Variants in NPTN observed in about 807,000 individuals in gnomAD.
NPTN encodes the protein neuroplastin, also known as SDR-1.
A neutral mutation model predicts 42.7 loss-of-function variants in NPTN; 5 were observed. That is an observed-to-expected ratio of 0.12 (90% CI 0.06 to 0.25). NPTN has a LOEUF of 0.25. Ranked by LOEUF, NPTN falls within the 10% of genes least tolerant of loss-of-function variation. NPTN has a pLI of 1.00. For synonymous variants in NPTN, 180 were observed against 201.9 expected (o/e 0.89, Z 0.92); for missense variants, 307 against 525.4 (o/e 0.58, Z 4.06).
chr15:73,631,723 C>T (rs1898755018), intron 1 of NPTN, among the ~76,000 whole-genome samples: 1 of 152,198 alleles, frequency 6.6e-6, no homozygotes, highest in Non-Finnish European at 1.5e-5. Context: ...GTACTGACTT[C>T]TCATAAATTC....
At chr15:73,609,482 T>A (rs1195175641) in intron 1 of NPTN, among the ~76,000 whole-genome samples, 1 of 151,950 alleles carries the variant, frequency 6.6e-6, no homozygotes, top group Non-Finnish European at 1.5e-5. Context: ...ATACAAAAAC[T>A]TAGCTGGGCG....
intron 8 of NPTN, among the ~76,000 whole-genome samples, chr15:73,561,408 C>T (rs1002535701): frequency 1.8e-4 from 27 of 152,202 alleles, no homozygotes; most frequent in Non-Finnish European, 2.9e-5. Context: ...GCGGGGCACA[C>T]TGGCTCATGC....
chr15:73,561,278 C>G (rs1894646382), intron 8 of NPTN, among the ~76,000 whole-genome samples: 1 of 152,076 alleles, frequency 6.6e-6, no homozygotes, highest in African/African-American at 2.4e-5. Context: ...GAATAAGCCA[C>G]CTAAGAAGGT....
intron 1 of NPTN, among the ~76,000 whole-genome samples, chr15:73,611,013 A>AC (rs1348630063): frequency 4.6e-5 from 7 of 152,214 alleles, no homozygotes; most frequent in Non-Finnish European, 1.0e-4. Context: ...TTACATATGG[A>AC]CCATATGGAC....
intron 5 of NPTN, among the ~76,000 whole-genome samples, chr15:73,573,192 G>A (rs1895505373): frequency 6.6e-6 from 1 of 152,174 alleles, no homozygotes; most frequent in Admixed American, 6.5e-5. Context: ...TATATTACCT[G>A]TCAATGCCTC....
chr15:73,630,686 GTTT>G (rs889745669), intron 1 of NPTN, among the ~76,000 whole-genome samples: 1 of 152,122 alleles, frequency 6.6e-6, no homozygotes, highest in Non-Finnish European at 1.5e-5. Context: ...ATACTTGTGA[GTTT>G]TTTTCTCCAG....
At chr15:73,565,066 C>A (rs1247709151) in intron 6 of NPTN, among the ~76,000 whole-genome samples, 3 of 152,220 alleles carry the variant, frequency 2.0e-5, no homozygotes, top group Admixed American at 2.0e-4. Flanking sequence ...CACTTTCCAG[C>A]CCAACAAGCT....
chr15:73,628,345 C>T (rs543402966), intron 1 of NPTN, among the ~76,000 whole-genome samples: 14 of 152,186 alleles, frequency 9.2e-5, no homozygotes, highest in Non-Finnish European at 1.9e-4. Context: ...CTGTCTTTCC[C>T]TTTCTCTTAC....
chr15:73,622,695 G>A (rs1026569517), intron 1 of NPTN, among the ~76,000 whole-genome samples: 16 of 152,082 alleles, frequency 1.1e-4, no homozygotes, highest in African/African-American at 3.9e-4. Context: ...AATTTGCAAT[G>A]CAACATGATT....
intron 1 of NPTN, among the ~76,000 whole-genome samples, chr15:73,620,570 A>G (rs887542936): frequency 3.9e-5 from 6 of 152,208 alleles, no homozygotes; most frequent in African/African-American, 1.4e-4. Flanking sequence ...CCCGCTTCCT[A>G]TACCACTTTC....
intron 1 of NPTN, among the ~76,000 whole-genome samples, chr15:73,599,870 G>A (rs912106708): frequency 3.9e-5 from 6 of 152,222 alleles, no homozygotes; most frequent in African/African-American, 1.4e-4. Flanking sequence ...TTATGTACTC[G>A]ATTATGCCCT....
chr15:73,621,721 G>A (rs1898144050), intron 1 of NPTN, among the ~76,000 whole-genome samples: 1 of 151,918 alleles, frequency 6.6e-6, no homozygotes, highest in Non-Finnish European at 1.5e-5. Context: ...TATTTACAAT[G>A]GTAATTTCCT....
At chr15:73,621,575 T>C (rs1301623137) in intron 1 of NPTN, among the ~76,000 whole-genome samples, 5 of 152,218 alleles carry the variant, frequency 3.3e-5, no homozygotes, top group African/African-American at 1.2e-4. Flanking sequence ...ATTACACTAA[T>C]TTTTAAAACA....
rs1475020123 is a variant in NPTN at position 73,569,829 on chromosome 15, T to C, written c.1114+321A>G. ...GATCTGTATTGAAGGAGGACAGAGC[T>C]GAACAAAGAGACTGACAGCTGCCCA... On this transcript the variant is annotated intron_variant, in intron 6 of 8. Coordinates refer to ENST00000345330, the MANE Select transcript of NPTN (RefSeq NM_012428.4). This position sits in a 1 kb window ranked among gnomAD's most constrained non-coding sequence, Gnocchi z 4.1. 29 of 985,006 alleles carry C rather than the reference T, an allele frequency of 2.9e-5. No homozygotes were observed. The highest frequency in any genetic ancestry group is 3.4e-5 in the Non-Finnish European group (28 of 829,782). The allele number at this position is 985,006 out of a possible 1,614,324, so 61.0% of individuals were successfully genotyped here.
chr15:73,580,175 T>C (rs919606492), intron 4 of NPTN, among the ~76,000 whole-genome samples: 8 of 151,400 alleles, frequency 5.3e-5, no homozygotes, highest in African/African-American at 1.9e-4. Flanking sequence ...TACTTTAACA[T>C]ACTGAGGGGA....
intron 2 of NPTN, among the ~76,000 whole-genome samples, chr15:73,592,832 A>T (rs1202914481): frequency 6.6e-6 from 1 of 152,230 alleles, no homozygotes; most frequent in East Asian, 1.9e-4. Context: ...CCATTCTGAG[A>T]AAATATAACT....
In NPTN at chr15:73,633,385, G is replaced by C; in HGVS notation, c.-170C>G. 2 of 474,874 alleles carry C rather than the reference G, an allele frequency of 4.2e-6. No individual in the cohort carries two copies. The highest frequency in any genetic ancestry group is 7.2e-6 in the Non-Finnish European group (2 of 276,950). 29.4% of individuals were successfully genotyped at this position (474,874 alleles called of 1,614,324 possible). On this transcript the variant is annotated 5_prime_UTR_variant, in exon 1 of 9. Coordinates refer to ENST00000345330, the MANE Select transcript of NPTN (RefSeq NM_012428.4). Reference sequence around the variant, plus strand: ...CTCCTCCTGCCGCCGCAGCGCCCAGGCCTCGCGAGACCTTCGCTCCGGGTC... The same window carrying C: ...CTCCTCCTGCCGCCGCAGCGCCCAGCCCTCGCGAGACCTTCGCTCCGGGTC...
At chr15:73,631,231 T>C (rs1300853341) in intron 1 of NPTN, among the ~76,000 whole-genome samples, 1 of 152,240 alleles carries the variant, frequency 6.6e-6, no homozygotes, top group Non-Finnish European at 1.5e-5. Context: ...GAAACTATGC[T>C]ATTACCATAA....
intron 4 of NPTN, among the ~76,000 whole-genome samples, chr15:73,578,077 A>G (rs989209434): frequency 4.6e-5 from 7 of 152,182 alleles, no homozygotes; most frequent in Non-Finnish European, 1.0e-4. Context: ...AAGGAACAGC[A>G]AAGAGGATTT....
Sources: gnomAD v4.1 joint callset for allele counts (sites outside exome capture counted in the v4.1 genomes callset) on GRCh38, gnomAD v4.1.1 for gene constraint, Gnocchi (gnomAD v3.1) non-coding constraint, MANE v1.5 for transcripts, NCBI Gene and HGNC (gene_info 2026-07-23, HGNC 2026-07-21) for gene names.